The following TMEM267 variants were observed in gnomAD, a reference collection of about 807,000 sequenced individuals.
TMEM267 encodes transmembrane protein 267.
A neutral mutation model predicts 19.3 loss-of-function variants in TMEM267; 20 were observed. That is an observed-to-expected ratio of 1.04 (90% CI 0.73 to 1.51). TMEM267 has a LOEUF of 1.51. Ranked by LOEUF, TMEM267 falls within the 40% of genes most tolerant of loss-of-function variation. The pLI, the probability that TMEM267 is intolerant of heterozygous loss-of-function variation, is 0.00. For synonymous variants in TMEM267, 88 were observed against 90.3 expected (o/e 0.97, Z 0.15); for missense variants, 242 against 261.9 (o/e 0.92, Z 0.52).
rs568072907 is a variant in TMEM267 at position 43,462,415 on chromosome 5, C to G, written c.-74-8372G>C. ...CTAGCATCAACACCATCCAGGAAAA[C>G]ATGACCTCACCAAATGAACTAAATA... On this transcript the variant is annotated intron_variant, in intron 1 of 2. Coordinates refer to ENST00000397080, the MANE Select transcript of TMEM267 (RefSeq NM_022483.5). 7.6e-4 allele frequency among the ~76,000 whole-genome samples: 115 copies of G among 152,200 alleles called. 1 individual carries two copies. The highest frequency in any genetic ancestry group is 1.0e-3 in the South Asian group (5 of 4,816).
At chr5:43,460,705 G>C (rs1743208381) in intron 1 of TMEM267, among the ~76,000 whole-genome samples, 1 of 152,194 alleles carries the variant, frequency 6.6e-6, no homozygotes, top group Admixed American at 6.5e-5. Flanking sequence ...ACTCAGTGCT[G>C]TCCTGTTAGA....
At chr5:43,464,129 A>G (rs565830823) in intron 1 of TMEM267, among the ~76,000 whole-genome samples, 4 of 152,044 alleles carry the variant, frequency 2.6e-5, no homozygotes, top group Non-Finnish European at 4.4e-5. Flanking sequence ...AAATCAATGT[A>G]CAAAAATCAC....
At chr5:43,469,130 T>A (rs1743919715) in intron 1 of TMEM267, among the ~76,000 whole-genome samples, 1 of 152,112 alleles carries the variant, frequency 6.6e-6, no homozygotes, top group Non-Finnish European at 1.5e-5. Context: ...GAACTTCGTA[T>A]GAACAATTTA....
chr5:43,453,894 G>T lies in TMEM267; in HGVS notation c.76C>A (p.Leu26Met). Residue 26 changes from leucine to methionine, a missense_variant, in exon 2 of 3, where the codon CTG becomes ATG. Coordinates refer to ENST00000397080, the MANE Select transcript of TMEM267 (RefSeq NM_022483.5). Reference sequence around the variant, plus strand: ...TCAGCTACGAGGCAAAATGCCCCCAGACCAAGGCTGGAAATAAGAGATTCA... The same window carrying T: ...TCAGCTACGAGGCAAAATGCCCCCATACCAAGGCTGGAAATAAGAGATTCA... ...STESLISSLG[L>M]GAFCLVADRL... 1 of 1,614,068 alleles carries T rather than the reference G, an allele frequency of 6.2e-7. No individual in the cohort carries two copies. Among genetic ancestry groups the T allele is most frequent in the Non-Finnish European group, 8.5e-7 (1 of 1,179,992 alleles).
At chr5:43,458,465 C>A (rs1049776147) in intron 1 of TMEM267, among the ~76,000 whole-genome samples, 1 of 152,112 alleles carries the variant, frequency 6.6e-6, no homozygotes, top group African/African-American at 2.4e-5. Context: ...CTACAAAATA[C>A]AAACTAATTT....
At chr5:43,481,212 G>A (rs1744746470) in intron 1 of TMEM267, among the ~76,000 whole-genome samples, 1 of 148,818 alleles carries the variant, frequency 6.7e-6, no homozygotes, top group African/African-American at 2.5e-5. Flanking sequence ...TCCTGCTTCA[G>A]CCTCCTGAGT....
chr5:43,474,006 C>G (rs1319399955), intron 1 of TMEM267, among the ~76,000 whole-genome samples: 4 of 152,152 alleles, frequency 2.6e-5, no homozygotes, highest in Admixed American at 2.0e-4. Flanking sequence ...CAAAAAAAAG[C>G]AATGGGGAAA....
intron 1 of TMEM267, among the ~76,000 whole-genome samples, chr5:43,473,464 A>G (rs575462733): frequency 6.6e-6 from 1 of 152,310 alleles, no homozygotes; most frequent in African/African-American, 2.4e-5. Context: ...CACCAATAAC[A>G]GACAAACAGA....
Position 43,445,623 on chromosome 5 carries a change from AATG to A in TMEM267, c.*596_*598del, listed in dbSNP as rs1409401001. ...TCTAATGTTAGCTACTGGATATTAT[AATG>A]ATGTGTCACAAGTGCTCTGAAGGTT... On this transcript the variant is annotated 3_prime_UTR_variant, in exon 3 of 3. Transcript: ENST00000397080. 6.6e-6 allele frequency: 1 copy of A among 152,206 alleles called. No individual in the cohort carries two copies. Among genetic ancestry groups the A allele is most frequent in the East Asian group, 1.9e-4 (1 of 5,208 alleles). 9.4% of individuals were successfully genotyped at this position (152,206 alleles called of 1,614,324 possible).
chr5:43,467,146 CA>C (rs70994698), intron 1 of TMEM267, among the ~76,000 whole-genome samples: 3,387 of 49,002 alleles, frequency 0.069, 26 homozygotes, highest in East Asian at 0.18. Context: ...GAGACTCTGT[CA>C]AAAAAAAAAA....
Position 43,447,930 on chromosome 5 carries a change from G to C in TMEM267, c.313-1373C>G, listed in dbSNP as rs545123185. Among the ~76,000 whole-genome samples the C allele has an allele frequency of 5.9e-5, 9 of 152,264 alleles. No homozygotes were observed. The South Asian group carries it at 1.7e-3, about 28-fold the overall frequency. ...CAAGACTCTGAAAGGTATTGATTCT[G>C]GGGGAGACGATGGTAAGAAAGGGAG... On this transcript the variant is annotated intron_variant, in intron 2 of 2. Coordinates refer to ENST00000397080, the MANE Select transcript of TMEM267 (RefSeq NM_022483.5).
chr5:43,461,693 C>T (rs6878770), intron 1 of TMEM267, among the ~76,000 whole-genome samples: 73,916 of 151,944 alleles, frequency 0.49, 18,843 homozygotes, highest in Middle Eastern at 0.63. Flanking sequence ...TGGAGTCAGG[C>T]TCCTCTGTCT....
rs1417688529 is a variant in TMEM267, at chr5:43,445,224, A to C, written c.*998T>G. 6.6e-6 allele frequency: 1 copy of C among 152,182 alleles called. No homozygotes were observed. The highest frequency in any genetic ancestry group is 1.5e-5 in the Non-Finnish European group (1 of 68,026). The allele number at this position is 152,182 out of a possible 1,614,324, so 9.4% of individuals were successfully genotyped here. A position where few individuals can be genotyped will look rare whatever the true frequency, so the allele number is the denominator to read the frequency against. On this transcript the variant is annotated 3_prime_UTR_variant, in exon 3 of 3. Transcript: ENST00000397080. ...CAACCTGAAAGAAAAAGGAAAAAGC[A>C]AATTTCCTAAAACTTTATTTTGAAA...
chr5:43,453,727 A>C lies in TMEM267; in HGVS notation c.243T>G (p.Ile81Met). 6.2e-7 allele frequency: 1 copy of C among 1,614,080 alleles called. No individual in the cohort carries two copies. The highest frequency in any genetic ancestry group is 8.5e-7 in the Non-Finnish European group (1 of 1,179,956). Residue 81 changes from isoleucine (I) to methionine (M), a missense_variant, in exon 2 of 3, where the codon ATT (isoleucine) becomes ATG (methionine). Transcript: ENST00000397080. ...IKKKTDFGEI[I>M]LAGFLASVID... Reference sequence around the variant, plus strand: ...TAACAGAGGCTAAAAATCCAGCTAAAATGATTTCTCCAAAGTCAGTCTTCT... The same window carrying C: ...TAACAGAGGCTAAAAATCCAGCTAACATGATTTCTCCAAAGTCAGTCTTCT...
chr5:43,483,491 C>T (rs1744924474), intron 1 of TMEM267, among the ~76,000 whole-genome samples: 1 of 152,204 alleles, frequency 6.6e-6, no homozygotes, highest in Admixed American at 6.5e-5. Context: ...GGAACCCCAC[C>T]CTGGGCCAGA....
intron 1 of TMEM267, among the ~76,000 whole-genome samples, chr5:43,461,465 T>C (rs188515484): frequency 1.4e-3 from 219 of 152,286 alleles, no homozygotes; most frequent in African/African-American, 5.1e-3. Context: ...CATAGGAGGA[T>C]AGAGCACCAA....
chr5:43,462,188 G>A (rs765830998), intron 1 of TMEM267, among the ~76,000 whole-genome samples: 34 of 152,280 alleles, frequency 2.2e-4, no homozygotes, highest in Non-Finnish European at 3.5e-4. Flanking sequence ...CCATCAAGGC[G>A]GTACCTCTAT....
rs183563074 is a variant in TMEM267, at chr5:43,462,302, C to T, written c.-74-8259G>A. Among the ~76,000 whole-genome samples, 720 of 152,210 alleles carry T rather than the reference C, an allele frequency of 4.7e-3. 5 individuals carry two copies. The highest frequency in any genetic ancestry group is 0.016 in the African/African-American group (648 of 41,530). ...CCTTTCAAATATCTGGAAAACCTTCCCAAGAAGGACGGGTACAAATAAGCC... is the reference window on the plus strand; with the variant it reads ...CCTTTCAAATATCTGGAAAACCTTCTCAAGAAGGACGGGTACAAATAAGCC... On this transcript the variant is annotated intron_variant, in intron 1 of 2. Transcript: ENST00000397080.
At position 43,471,584 on chromosome 5, in the gene TMEM267, T is replaced by TA. The variant is rs376000345; in HGVS notation, c.-75+12237dup. Among the ~76,000 whole-genome samples, 1,457 of 152,060 alleles carry TA rather than the reference T, an allele frequency of 9.6e-3. 18 individuals are homozygous for TA. The highest frequency in any genetic ancestry group is 0.034 in the African/African-American group (1,402 of 41,480). Reference sequence around the variant, plus strand: ...TAACCAAAACAGCATGGTTCTGACATAAAAACAGACACATCAGCCAATGAA... The same window carrying TA: ...TAACCAAAACAGCATGGTTCTGACATAAAAAACAGACACATCAGCCAATGAA... On this transcript the variant is annotated intron_variant, in intron 1 of 2. Transcript: ENST00000397080.
Sources: gnomAD v4.1 joint callset for allele counts (sites outside exome capture counted in the v4.1 genomes callset) on GRCh38, gnomAD v4.1.1 for gene constraint, MANE v1.5 for transcripts, NCBI Gene and HGNC (gene_info 2026-07-23, HGNC 2026-07-21) for gene names.